UNC5D: variants seen among roughly 807,000 people sequenced by gnomAD.
The protein encoded by UNC5D is netrin receptor UNC5D.
A neutral mutation model predicts 105.4 loss-of-function variants in UNC5D; 39 were observed. That is an observed-to-expected ratio of 0.37 (90% confidence interval 0.29 to 0.48). The LOEUF (loss-of-function observed/expected upper bound fraction) is 0.48, where lower values mean the gene tolerates loss of function less well. Ranked by LOEUF, UNC5D falls within the 20% of genes least tolerant of loss-of-function variation. UNC5D has a pLI of 0.98. For missense variants in UNC5D, 991 were observed against 1,202.4 expected, an observed-to-expected ratio of 0.82 and a Z score of 2.60; for synonymous variants, 452 against 450.4, an observed-to-expected ratio of 1.00 and a Z score of -0.04.
chr8:35,761,670 CACTT>C (rs1801540424), intron 14 of UNC5D, among the ~76,000 whole-genome samples: 1 of 152,086 alleles, frequency 6.6e-6, no homozygotes, highest in South Asian at 2.1e-4. Context: ...TTTTCATTTC[CACTT>C]CATTTTTCTT....
At chr8:35,237,944 A>G (rs1052556492) in intron 1 of UNC5D, among the ~76,000 whole-genome samples, 1 of 152,118 alleles carries the variant, frequency 6.6e-6, no homozygotes, top group Non-Finnish European at 1.5e-5. Context: ...CCTTCCCAGA[A>G]AGGTGTCCAT....
At chr8:35,604,053 A>G (rs1051173341) in intron 4 of UNC5D, among the ~76,000 whole-genome samples, 4 of 152,116 alleles carry the variant, frequency 2.6e-5, no homozygotes, top group Non-Finnish European at 4.4e-5. Context: ...ATTTAAGCTT[A>G]GTATTGTTAT....
At chr8:35,601,164 G>A (rs145622758) in intron 4 of UNC5D, among the ~76,000 whole-genome samples, 4 of 151,886 alleles carry the variant, frequency 2.6e-5, no homozygotes, top group South Asian at 2.1e-4. Flanking sequence ...TCTATATCTC[G>A]GTTTTGGTAC....
intron 1 of UNC5D, chr8:35,525,202 G>A (rs1813779060): frequency 4.3e-6 from 7 of 1,611,182 alleles, no homozygotes; most frequent in Non-Finnish European, 5.9e-6. Flanking sequence ...GCCTCCTTCT[G>A]TGGTTGCTGG....
chr8:35,522,209 C>T (rs1813534722), intron 1 of UNC5D, among the ~76,000 whole-genome samples: 1 of 152,080 alleles, frequency 6.6e-6, no homozygotes, highest in Non-Finnish European at 1.5e-5. Context: ...AATTCTGTTA[C>T]AATGCTTTAG....
At chr8:35,512,483 T>G (rs1256726741) in intron 1 of UNC5D, among the ~76,000 whole-genome samples, 9 of 112,758 alleles carry the variant, frequency 8.0e-5, no homozygotes, top group African/African-American at 3.3e-4. Flanking sequence ...TATATATATA[T>G]ATATATATAT....
intron 1 of UNC5D, among the ~76,000 whole-genome samples, chr8:35,314,655 C>T (rs1006379762): frequency 6.6e-6 from 1 of 152,132 alleles, no homozygotes; most frequent in Non-Finnish European, 1.5e-5. Flanking sequence ...ACATTTCGAA[C>T]CTTCAAACAT....
intron 1 of UNC5D, among the ~76,000 whole-genome samples, chr8:35,464,085 G>C (rs752791790): frequency 2.0e-5 from 3 of 152,172 alleles, no homozygotes; most frequent in Admixed American, 6.5e-5. Context: ...CCAGCACTTT[G>C]GGAGGCCAAG....
chr8:35,472,410 T>C (rs1809795910), intron 1 of UNC5D, among the ~76,000 whole-genome samples: 1 of 150,768 alleles, frequency 6.6e-6, no homozygotes, highest in African/African-American at 2.4e-5. Context: ...AATGTTGGAG[T>C]GGGAGGAAGG....
chr8:35,561,245 G>A (rs1014686475), intron 2 of UNC5D, among the ~76,000 whole-genome samples: 4 of 152,070 alleles, frequency 2.6e-5, no homozygotes, highest in African/African-American at 9.7e-5. Context: ...CCAGGACTAG[G>A]TACCAGACAA....
At chr8:35,266,819 G>A (rs1165542896) in intron 1 of UNC5D, among the ~76,000 whole-genome samples, 1 of 152,152 alleles carries the variant, frequency 6.6e-6, no homozygotes, top group Non-Finnish European at 1.5e-5. Context: ...CCTACACATG[G>A]CCTTTTTGTA....
intron 7 of UNC5D, among the ~76,000 whole-genome samples, chr8:35,699,881 A>C (rs906688801): frequency 6.6e-6 from 1 of 152,204 alleles, no homozygotes; most frequent in Non-Finnish European, 1.5e-5. Context: ...AAATCTAGAG[A>C]TGGGTTATAT....
intron 1 of UNC5D, among the ~76,000 whole-genome samples, chr8:35,495,029 C>T (rs1400090489): frequency 6.6e-6 from 1 of 152,008 alleles, no homozygotes; most frequent in East Asian, 1.9e-4. Context: ...GAAAAATTCC[C>T]TCCCAGGGGA....
At chr8:35,242,709 G>A (rs1226344061) in intron 1 of UNC5D, among the ~76,000 whole-genome samples, 6 of 152,142 alleles carry the variant, frequency 3.9e-5, no homozygotes, top group East Asian at 1.9e-4. Flanking sequence ...TCCTGACCTC[G>A]GGATCTGCCC....
At chr8:35,692,963 C>T (rs1826510486) in intron 7 of UNC5D, among the ~76,000 whole-genome samples, 1 of 152,096 alleles carries the variant, frequency 6.6e-6, no homozygotes, top group African/African-American at 2.4e-5. Context: ...ATTGCAGACC[C>T]ACAGGAGTCA....
intron 1 of UNC5D, among the ~76,000 whole-genome samples, chr8:35,470,966 T>G (rs1457758515): frequency 6.6e-6 from 1 of 152,068 alleles, no homozygotes; most frequent in Non-Finnish European, 1.5e-5. Flanking sequence ...GTTCCCATTT[T>G]GTAACTATAA....
At chr8:35,322,535 T>C (rs1293910110) in intron 1 of UNC5D, among the ~76,000 whole-genome samples, 6 of 152,204 alleles carry the variant, frequency 3.9e-5, no homozygotes, top group Non-Finnish European at 7.3e-5. Flanking sequence ...TTTCATGTAA[T>C]ACATTTTTTG....
chr8:35,334,836 G>A (rs148008651), intron 1 of UNC5D, among the ~76,000 whole-genome samples: 1 of 152,132 alleles, frequency 6.6e-6, no homozygotes, highest in African/African-American at 2.4e-5. Context: ...TTTTAAAACT[G>A]CCTGGTTTGA....
At chr8:35,529,982 C>T (rs1344178130) in intron 1 of UNC5D, among the ~76,000 whole-genome samples, 1 of 150,682 alleles carries the variant, frequency 6.6e-6, no homozygotes, top group Non-Finnish European at 1.5e-5. Context: ...ACAATCATGT[C>T]ATCTGCAAAC....
Sources: gnomAD v4.1 joint callset for allele counts (sites outside exome capture counted in the v4.1 genomes callset) on GRCh38, gnomAD v4.1.1 for gene constraint, MANE v1.5 for transcripts, NCBI Gene and HGNC (gene_info 2026-07-23, HGNC 2026-07-21) for gene names.